Variants in PHACTR1 observed in about 807,000 individuals in gnomAD.
The protein encoded by PHACTR1 is phosphatase and actin regulator 1, also known as RPEL repeat containing 1.
PHACTR1 carries 16 observed loss-of-function variants against 69.2 expected under a neutral mutation model. The ratio of observed to expected loss-of-function variants is 0.23; its 90% CI spans 0.16 to 0.35. The LOEUF is 0.35. Among genes scored for constraint, PHACTR1 ranks in the 10% least tolerant of loss-of-function variants. PHACTR1 has a pLI of 1.00. For synonymous variants in PHACTR1, 312 were observed against 284.5 expected, an observed-to-expected ratio of 1.10 and a Z score of -0.97; for missense variants, 510 against 734.7, an observed-to-expected ratio of 0.69 and a Z score of 3.54.
At chr6:12,850,617 T>C (rs915496181) in intron 4 of PHACTR1, among the ~76,000 whole-genome samples, 12 of 152,338 alleles carry the variant, frequency 7.9e-5, no homozygotes, top group African/African-American at 2.9e-4. Flanking sequence ...CTTAAAATCA[T>C]AGAAATGTAT....
At chr6:12,862,471 C>T (rs191828322) in intron 4 of PHACTR1, among the ~76,000 whole-genome samples, 17 of 152,178 alleles carry the variant, frequency 1.1e-4, no homozygotes, top group Admixed American at 6.5e-5. Context: ...TCAGGGTCAC[C>T]GGCATACACT....
At chr6:12,905,874 C>T (rs1364397151) in intron 4 of PHACTR1, among the ~76,000 whole-genome samples, 1 of 152,158 alleles carries the variant, frequency 6.6e-6, no homozygotes, top group African/African-American at 2.4e-5. Flanking sequence ...ATTAAATTTC[C>T]TGGGATGTAT....
intron 3 of PHACTR1, among the ~76,000 whole-genome samples, chr6:12,723,546 AG>A: frequency 6.6e-6 from 1 of 150,808 alleles, no homozygotes; most frequent in African/African-American, 2.4e-5. Flanking sequence ...CTCAGGCTAA[AG>A]TACAGTGACA....
At chr6:13,215,560 G>A (rs189111238) in intron 8 of PHACTR1, among the ~76,000 whole-genome samples, 57 of 152,296 alleles carry the variant, frequency 3.7e-4, no homozygotes, top group African/African-American at 1.2e-3. Flanking sequence ...CATAGAGAAT[G>A]AGATTGATGA....
chr6:12,791,458 C>T (rs958875739), intron 4 of PHACTR1, among the ~76,000 whole-genome samples: 3 of 152,270 alleles, frequency 2.0e-5, no homozygotes, highest in South Asian at 4.1e-4. Context: ...CAAAGCCTTA[C>T]GGTGAAGTAT....
chr6:12,772,338 A>G (rs1769494062), intron 4 of PHACTR1, among the ~76,000 whole-genome samples: 1 of 152,204 alleles, frequency 6.6e-6, no homozygotes, highest in Non-Finnish European at 1.5e-5. Context: ...TTATGTGTGC[A>G]CCAATTCCAA....
chr6:13,022,372 T>C (rs1305588851), intron 4 of PHACTR1, among the ~76,000 whole-genome samples: 1 of 152,242 alleles, frequency 6.6e-6, no homozygotes, highest in African/African-American at 2.4e-5. Flanking sequence ...AGATCAGGGG[T>C]TAGTAAACTA....
chr6:12,938,451 C>T (rs960581380), intron 4 of PHACTR1, among the ~76,000 whole-genome samples: 2 of 152,102 alleles, frequency 1.3e-5, no homozygotes, highest in African/African-American at 2.4e-5. Context: ...TAGCACCACA[C>T]GATGACAATA....
At chr6:13,112,090 C>T (rs1404745158) in intron 5 of PHACTR1, among the ~76,000 whole-genome samples, 1 of 152,114 alleles carries the variant, frequency 6.6e-6, no homozygotes, top group African/African-American at 2.4e-5. Flanking sequence ...CATGTATTCT[C>T]ATCATTTAGC....
chr6:13,123,152 T>C (rs1393994976), intron 5 of PHACTR1, among the ~76,000 whole-genome samples: 2 of 152,228 alleles, frequency 1.3e-5, no homozygotes, highest in East Asian at 1.9e-4. Context: ...ACATTTCTTA[T>C]ATGATTTCAC....
chr6:13,096,949 A>G (rs982401078), intron 5 of PHACTR1, among the ~76,000 whole-genome samples: 3 of 152,230 alleles, frequency 2.0e-5, no homozygotes, highest in Non-Finnish European at 2.9e-5. Context: ...GTGACATAGA[A>G]AGGCAGCATA....
intron 4 of PHACTR1, among the ~76,000 whole-genome samples, chr6:13,003,389 A>T (rs1469056911): frequency 1.3e-5 from 2 of 152,194 alleles, no homozygotes; most frequent in Non-Finnish European, 2.9e-5. Flanking sequence ...AAATACTTTT[A>T]AAAATAAATT....
rs1781902718 is a variant in PHACTR1 at position 13,287,451 on chromosome 6, T to TGTCA, written c.*374_*377dup. On this transcript the variant is annotated 3_prime_UTR_variant, in exon 15 of 15. Coordinates refer to ENST00000332995, the MANE Select transcript of PHACTR1 (RefSeq NM_030948.6). The stretch of plus-strand genomic sequence containing the variant: ...AGCAAACCTCTTCCTCACAAGTGTC[T>TGTCA]GTCATCTGAGTCCAAAGAAAGCTGA... 2 of 255,360 alleles carry TGTCA rather than the reference T, an allele frequency of 7.8e-6. No homozygotes were observed. Among genetic ancestry groups the TGTCA allele is most frequent in the Non-Finnish European group, 1.5e-5 (2 of 133,024 alleles). 15.8% of individuals were successfully genotyped at this position (255,360 alleles called of 1,614,324 possible).
chr6:13,090,265 C>G (rs927090436), intron 5 of PHACTR1, among the ~76,000 whole-genome samples: 1 of 148,916 alleles, frequency 6.7e-6, no homozygotes, highest in Admixed American at 6.7e-5. Flanking sequence ...CATGTTGTCT[C>G]GAACTCCTGA....
At chr6:13,013,120 G>A (rs1799631172) in intron 4 of PHACTR1, among the ~76,000 whole-genome samples, 1 of 152,176 alleles carries the variant, frequency 6.6e-6, no homozygotes, top group South Asian at 2.1e-4. Context: ...GATGTCACTC[G>A]CTTTGCTAAG....
At chr6:12,891,616 C>T (rs772253833) in intron 4 of PHACTR1, among the ~76,000 whole-genome samples, 2 of 152,204 alleles carry the variant, frequency 1.3e-5, no homozygotes. Context: ...TGATCCCCCT[C>T]CTCCTCTGAC....
rs1761918167 is a variant in PHACTR1, at chr6:13,179,697, GATAGAGATAGAT to G, written c.497-2820_497-2809del. 1.0e-5 allele frequency among the ~76,000 whole-genome samples: 1 copy of G among 100,198 alleles called. No individual in the cohort carries two copies. 65.7% of individuals were successfully genotyped at this position (100,198 alleles called of 152,430 possible). ...AGGTAGGTAGGTAGATAGATAAGTA[GATAGAGATAGAT>G]AGATAGATAGATAGATAGATAGATA... On this transcript the variant is annotated intron_variant, in intron 6 of 14. Coordinates refer to ENST00000332995, the MANE Select transcript of PHACTR1 (RefSeq NM_030948.6). This position sits in a 1 kb window ranked among gnomAD's most constrained non-coding sequence, Gnocchi z 4.2.
chr6:12,859,495 C>T (rs527654219), intron 4 of PHACTR1, among the ~76,000 whole-genome samples: 1 of 152,244 alleles, frequency 6.6e-6, no homozygotes, highest in African/African-American at 2.4e-5. Context: ...GAATATTGTA[C>T]CAATGATGCT....
intron 4 of PHACTR1, among the ~76,000 whole-genome samples, chr6:12,799,687 GC>G (rs1554140751): frequency 6.6e-6 from 1 of 152,170 alleles, no homozygotes; most frequent in Non-Finnish European, 1.5e-5. Flanking sequence ...GTCTGGCCAA[GC>G]TGTACAGCCA....
Sources: allele counts gnomAD v4.1 joint callset (sites outside exome capture counted in the v4.1 genomes callset), GRCh38; gene constraint gnomAD v4.1.1; non-coding constraint Gnocchi (gnomAD v3.1); transcripts MANE v1.5; gene names NCBI Gene and HGNC (gene_info 2026-07-23, HGNC 2026-07-21).